TLK1: variants seen among roughly 807,000 people sequenced by gnomAD.
TLK1 encodes serine/threonine-protein kinase tousled-like 1.
In TLK1, 24 loss-of-function variants were observed where a neutral mutation model predicts 105.3. The ratio of observed to expected loss-of-function variants is 0.23; its 90% CI spans 0.17 to 0.32. TLK1 has a LOEUF of 0.32. TLK1 is among the 10% of genes least tolerant of loss of function. TLK1 has a pLI of 1.00. For synonymous variants in TLK1, 321 were observed against 310.4 expected (o/e 1.03, Z -0.36); for missense variants, 558 against 910.5 (o/e 0.61, Z 4.98).
intron 3 of TLK1, among the ~76,000 whole-genome samples, chr2:171,068,322 T>A (rs936435934): frequency 1.3e-5 from 2 of 151,714 alleles, no homozygotes; most frequent in African/African-American, 4.8e-5. Context: ...AGAGCAAAAC[T>A]CCGCCTCAAA....
chr2:171,205,894 C>G (rs1693497602), intron 1 of TLK1, among the ~76,000 whole-genome samples: 1 of 152,146 alleles, frequency 6.6e-6, no homozygotes. Flanking sequence ...TAAAACAGAG[C>G]AGTGGAATGT....
At chr2:170,996,898 C>CA (rs1468965759) in intron 19 of TLK1, 138 bp from the exon 20 acceptor site, 1 of 709,138 alleles carries the variant, frequency 1.4e-6, no homozygotes, top group Non-Finnish European at 2.2e-6. Context: ...TATTTGAAAC[C>CA]TGAGATGAAT....
chr2:171,049,954 A>T lies in TLK1; in HGVS notation c.844-4T>A. 1 of 1,603,310 alleles carries T rather than the reference A, an allele frequency of 6.2e-7. No individual in the cohort carries two copies. Among genetic ancestry groups the T allele is most frequent in the Non-Finnish European group, 8.5e-7 (1 of 1,173,750 alleles). On this transcript the variant is annotated splice_region_variant and splice_polypyrimidine_tract_variant and intron_variant, in intron 9 of 20. Transcript: ENST00000431350. ...TTGACAGCTTTTCTTGTGTACTCTG[A>T]AAAGGAGAAAAAAAATCATCACTCA...
At chr2:171,222,254 C>A (rs868342608) in intron 1 of TLK1, among the ~76,000 whole-genome samples, 2 of 152,170 alleles carry the variant, frequency 1.3e-5, no homozygotes, top group Non-Finnish European at 2.9e-5. Context: ...AGAAAGAAAC[C>A]TTTGTGGTGT....
chr2:171,014,809 G>T, intron 13 of TLK1, 42 bp downstream of exon 13: 1 of 1,454,292 alleles, frequency 6.9e-7, no homozygotes, highest in Non-Finnish European at 9.6e-7. Flanking sequence ...GGCGGGGGTA[G>T]TTTTAATAAT....
At chr2:171,006,927 C>G (rs762810249) in intron 15 of TLK1, 38 bp from the exon 16 acceptor site, 1 of 1,602,386 alleles carries the variant, frequency 6.2e-7, no homozygotes, top group Non-Finnish European at 8.5e-7. Flanking sequence ...CATGATCATT[C>G]AAAAAATATT....
chr2:171,098,412 A>G (rs903026162), intron 2 of TLK1, among the ~76,000 whole-genome samples: 1 of 152,230 alleles, frequency 6.6e-6, no homozygotes, highest in Non-Finnish European at 1.5e-5. Flanking sequence ...CTGGGGTAGA[A>G]AGGTAGAAAT....
chr2:171,053,467 T>C (rs1687343016), intron 8 of TLK1, among the ~76,000 whole-genome samples: 1 of 151,930 alleles, frequency 6.6e-6, no homozygotes. Context: ...GGTTCAAGCA[T>C]TTCTGCTGCC....
At chr2:171,073,333 G>A (rs1340150066) in intron 3 of TLK1, among the ~76,000 whole-genome samples, 2 of 152,064 alleles carry the variant, frequency 1.3e-5, no homozygotes, top group African/African-American at 2.4e-5. Context: ...GAACCACATC[G>A]AATATACTTT....
chr2:171,119,550 C>T (rs951963303), intron 1 of TLK1, among the ~76,000 whole-genome samples: 1 of 152,168 alleles, frequency 6.6e-6, no homozygotes, highest in African/African-American at 2.4e-5. Context: ...ATCAATCCTT[C>T]CCTGGCACAG....
Position 171,053,670 on chromosome 2 carries a change from A to AT in TLK1, c.732+90dup, listed in dbSNP as rs1318753891. ...GCCACTGCGCCTGGCCTAGCTACAGATTTTTTTACAATGCTAAGTATTTTC... is the reference window on the plus strand; with the variant it reads ...GCCACTGCGCCTGGCCTAGCTACAGATTTTTTTTACAATGCTAAGTATTTTC... On this transcript the variant is annotated intron_variant, in intron 8 of 20. Coordinates refer to ENST00000431350, the MANE Select transcript of TLK1 (RefSeq NM_012290.5). The AT allele has an allele frequency of 2.2e-5, 24 of 1,080,812 alleles. No individual in the cohort carries two copies. In the Middle Eastern group the frequency reaches 1.1e-3, roughly 48 times the overall value. 67.0% of individuals were successfully genotyped at this position (1,080,812 alleles called of 1,614,324 possible). A position where few individuals can be genotyped will look rare whatever the true frequency, so the allele number is the denominator to read the frequency against.
chr2:170,995,408 C>A (rs1054899271), intron 20 of TLK1, among the ~76,000 whole-genome samples: 1 of 151,914 alleles, frequency 6.6e-6, no homozygotes, highest in Non-Finnish European at 1.5e-5. Flanking sequence ...ACCCCTTAAC[C>A]CTTCCTGGAT....
chr2:171,051,749 A>G (rs1382404920), intron 8 of TLK1, among the ~76,000 whole-genome samples: 4 of 152,238 alleles, frequency 2.6e-5, no homozygotes, highest in African/African-American at 7.2e-5. Context: ...AAGATGCTGC[A>G]GTACTTGTGT....
rs140875208 is a variant in TLK1 at position 171,112,529 on chromosome 2, A to C, written c.258+5210T>G. Among the ~76,000 whole-genome samples, 662 of 152,350 alleles carry C rather than the reference A, an allele frequency of 4.3e-3. 4 individuals are homozygous for C. The highest frequency in any genetic ancestry group is 0.015 in the African/African-American group (633 of 41,582). On this transcript the variant is annotated intron_variant, in intron 2 of 20. Coordinates refer to ENST00000431350, the MANE Select transcript of TLK1 (RefSeq NM_012290.5). ...AAACCTACAGCAAACATTACACTTA[A>C]TAAAGAACCTTCAGACAATTCCTCT...
chr2:171,072,182 T>C (rs1400706047), intron 3 of TLK1, among the ~76,000 whole-genome samples: 3 of 152,254 alleles, frequency 2.0e-5, no homozygotes, highest in African/African-American at 7.2e-5. Context: ...TAGATTGCTC[T>C]GGGTACAATG....
In TLK1 at chr2:171,117,647, G is replaced by A. The variant is rs995904052; in HGVS notation, c.258+92C>T. 9.9e-5 allele frequency: 98 copies of A among 985,318 alleles called. No homozygotes were observed. The East Asian group carries it at 2.3e-3, about 23-fold the overall frequency. 61.0% of individuals were successfully genotyped at this position (985,318 alleles called of 1,614,324 possible). On this transcript the variant is annotated intron_variant, in intron 2 of 20. Coordinates refer to ENST00000431350, the MANE Select transcript of TLK1 (RefSeq NM_012290.5). The stretch of plus-strand genomic sequence containing the variant: ...ACACATTATAAAAGTTACATTTGCT[G>A]TTAAGCACGTTATGTAGGAATCCTT...
chr2:171,072,135 T>C (rs946736804), intron 3 of TLK1, among the ~76,000 whole-genome samples: 5 of 152,252 alleles, frequency 3.3e-5, no homozygotes, highest in African/African-American at 1.2e-4. Flanking sequence ...CTGTGAAGAA[T>C]GCCATTGGTA....
At chr2:171,152,876 A>C (rs772537099) in intron 1 of TLK1, among the ~76,000 whole-genome samples, 8 of 152,196 alleles carry the variant, frequency 5.3e-5, no homozygotes, top group Non-Finnish European at 1.2e-4. Context: ...TCATTGATGT[A>C]TCTCTAACAT....
chr2:171,097,310 C>T (rs151295928), intron 2 of TLK1, among the ~76,000 whole-genome samples: 3 of 152,088 alleles, frequency 2.0e-5, no homozygotes, highest in Admixed American at 6.5e-5. Flanking sequence ...TATCTCATAC[C>T]ATATATAAAA....
Sources: allele counts gnomAD v4.1 joint callset (sites outside exome capture counted in the v4.1 genomes callset), GRCh38; gene constraint gnomAD v4.1.1; transcripts MANE v1.5; gene names NCBI Gene and HGNC (gene_info 2026-07-23, HGNC 2026-07-21).